GAP43: variants seen among roughly 807,000 people sequenced by gnomAD.
GAP43 encodes the protein growth associated protein 43, also known as neuromodulin.
A neutral mutation model predicts 18.6 loss-of-function variants in GAP43; 6 were observed. The observed-to-expected ratio is 0.32, with a 90% confidence interval of 0.18 to 0.64. GAP43 has a LOEUF of 0.64. Ranked by LOEUF, GAP43 falls within the 30% of genes least tolerant of loss-of-function variation. The pLI, the probability that GAP43 is intolerant of heterozygous loss-of-function variation, is 0.78. For synonymous variants in GAP43, 115 were observed against 111.4 expected (o/e 1.03, Z -0.20); for missense variants, 292 against 295.5 (o/e 0.99, Z 0.09).
At chr3:115,695,899 G>T (rs283384) in intron 2 of GAP43, among the ~76,000 whole-genome samples, 151,107 of 152,296 alleles carry the variant, frequency 0.99, 74,981 homozygotes, top group East Asian at 1. Context: ...ATGATTGCTC[G>T]TCCAGGATGT....
At chr3:115,720,071 T>A (rs1351202371) in intron 2 of GAP43, among the ~76,000 whole-genome samples, 1 of 152,196 alleles carries the variant, frequency 6.6e-6, no homozygotes, top group Admixed American at 6.5e-5. Context: ...TTACAATGCT[T>A]TAAAGAGGCT....
Position 115,698,132 on chromosome 3 carries a change from A to T in GAP43, c.628+21522A>T, listed in dbSNP as rs982866796. On this transcript the variant is annotated intron_variant, in intron 2 of 2. Coordinates refer to ENST00000305124, the MANE Select transcript of GAP43 (RefSeq NM_002045.4). ...AAATATATAATATATATTATATATAATATATATAATATATATTATATATAA... is the reference window on the plus strand; with the variant it reads ...AAATATATAATATATATTATATATATTATATATAATATATATTATATATAA... 8.2e-4 allele frequency among the ~76,000 whole-genome samples: 14 copies of T among 17,044 alleles called. 1 individual carries two copies. The highest frequency in any genetic ancestry group is 1.9e-3 in the Non-Finnish European group (13 of 6,756). The allele number at this position is 17,044 out of a possible 152,430, so 11.2% of individuals were successfully genotyped here.
intron 2 of GAP43, among the ~76,000 whole-genome samples, chr3:115,717,076 T>C (rs1037414203): frequency 1.4e-4 from 21 of 151,898 alleles, no homozygotes; most frequent in African/African-American, 5.1e-4. Flanking sequence ...TAGGGAAAGT[T>C]CCTTTATGCA....
At chr3:115,661,321 G>T (rs1282192749) in intron 1 of GAP43, 2 of 152,140 alleles carry the variant, frequency 1.3e-5, no homozygotes, top group Non-Finnish European at 2.9e-5. Context: ...AGATTTAGCT[G>T]TAAGTGCCTT....
chr3:115,701,265 G>A (rs1468203547), intron 2 of GAP43, among the ~76,000 whole-genome samples: 10 of 152,056 alleles, frequency 6.6e-5, no homozygotes, highest in African/African-American at 2.2e-4. Context: ...CCCCTGAAAT[G>A]CCAGTTTGGT....
chr3:115,637,281 C>T (rs1279105163), intron 1 of GAP43, among the ~76,000 whole-genome samples: 1 of 152,026 alleles, frequency 6.6e-6, no homozygotes, highest in East Asian at 1.9e-4. Flanking sequence ...ATATCCAGTA[C>T]AGTGCATGAC....
intron 2 of GAP43, among the ~76,000 whole-genome samples, chr3:115,686,323 A>G (rs954318862): frequency 1.3e-5 from 2 of 152,378 alleles, no homozygotes; most frequent in Admixed American, 6.5e-5. Context: ...ATGTGATGCC[A>G]TGAGAAGTAC....
At chr3:115,690,077 G>GT (rs1308971495) in intron 2 of GAP43, among the ~76,000 whole-genome samples, 1 of 152,228 alleles carries the variant, frequency 6.6e-6, no homozygotes, top group African/African-American at 2.4e-5. Flanking sequence ...GTAAAAGATG[G>GT]TTTTATGGGA....
In GAP43 at chr3:115,663,537, G is replaced by T. The variant is rs535689775; in HGVS notation, c.31-12476G>T. On this transcript the variant is annotated intron_variant, in intron 1 of 2. Coordinates refer to ENST00000305124, the MANE Select transcript of GAP43 (RefSeq NM_002045.4). ...TGCTTTCAGAATTAAAAGGGAACCTGGTCTCTGGGTTGTTTTCAACATCTC... is the reference window on the plus strand; with the variant it reads ...TGCTTTCAGAATTAAAAGGGAACCTTGTCTCTGGGTTGTTTTCAACATCTC... The T allele has an allele frequency of 4.0e-6, 5 of 1,259,254 alleles. No homozygotes were observed. In the South Asian group the frequency reaches 8.5e-5, roughly 22 times the overall value. 78.0% of individuals were successfully genotyped at this position (1,259,254 alleles called of 1,614,324 possible).
intron 2 of GAP43, among the ~76,000 whole-genome samples, chr3:115,713,757 G>C (rs1709468588): frequency 6.6e-6 from 1 of 152,178 alleles, no homozygotes; most frequent in South Asian, 2.1e-4. Context: ...ATCCTTTAAG[G>C]CTACCATTAC....
intron 1 of GAP43, among the ~76,000 whole-genome samples, chr3:115,675,758 C>CTAA (rs1708874880): frequency 2.0e-5 from 1 of 50,528 alleles, no homozygotes; most frequent in Non-Finnish European, 3.3e-5. Context: ...GACTCTATCT[C>CTAA]AAAAAAAAAA....
chr3:115,690,734 CTT>C (rs764462426), intron 2 of GAP43, among the ~76,000 whole-genome samples: 1 of 131,476 alleles, frequency 7.6e-6, no homozygotes. Flanking sequence ...CTGGGCAAAT[CTT>C]TTTTTTTTTT....
At chr3:115,640,063 C>G (rs1410218691) in intron 1 of GAP43, among the ~76,000 whole-genome samples, 2 of 151,892 alleles carry the variant, frequency 1.3e-5, no homozygotes, top group African/African-American at 4.8e-5. Flanking sequence ...GTCTAAGTTT[C>G]AAACTGGTAA....
chr3:115,648,677 A>G (rs535397655), intron 1 of GAP43, among the ~76,000 whole-genome samples: 1 of 152,220 alleles, frequency 6.6e-6, no homozygotes, highest in Non-Finnish European at 1.5e-5. Context: ...GCTGATTGAG[A>G]GCTTATTCAT....
chr3:115,647,979 A>T (rs1003325986), intron 1 of GAP43, among the ~76,000 whole-genome samples: 1 of 152,266 alleles, frequency 6.6e-6, no homozygotes, highest in South Asian at 2.1e-4. Flanking sequence ...ATTTAAATGT[A>T]AAATGAATTG....
At chr3:115,651,332 ACT>A (rs1157044181) in intron 1 of GAP43, among the ~76,000 whole-genome samples, 1 of 152,112 alleles carries the variant, frequency 6.6e-6, no homozygotes, top group Non-Finnish European at 1.5e-5. Context: ...ATCCATGCAC[ACT>A]CTGCACATAC....
At chr3:115,640,576 T>G (rs1708383111) in intron 1 of GAP43, among the ~76,000 whole-genome samples, 1 of 152,122 alleles carries the variant, frequency 6.6e-6, no homozygotes, top group Non-Finnish European at 1.5e-5. Flanking sequence ...GACTCCTCAA[T>G]TGATGTACAC....
At chr3:115,700,507 TAG>T (rs1311638936) in intron 2 of GAP43, among the ~76,000 whole-genome samples, 1 of 152,170 alleles carries the variant, frequency 6.6e-6, no homozygotes, top group Admixed American at 6.6e-5. Context: ...CTCCATAGCA[TAG>T]AGTCTTCCTA....
At chr3:115,690,783 T>G (rs1207391379) in intron 2 of GAP43, among the ~76,000 whole-genome samples, 2 of 133,536 alleles carry the variant, frequency 1.5e-5, no homozygotes, top group African/African-American at 2.9e-5. Flanking sequence ...TGAGACGGAG[T>G]CTCCCTCTGT....
Sources: allele counts gnomAD v4.1 joint callset (sites outside exome capture counted in the v4.1 genomes callset), GRCh38; gene constraint gnomAD v4.1.1; transcripts MANE v1.5; gene names NCBI Gene and HGNC (gene_info 2026-07-23, HGNC 2026-07-21).